Variants in LDLRAD3 observed in about 807,000 individuals in gnomAD.
LDLRAD3 encodes the protein low density lipoprotein receptor class A domain containing 3.
In LDLRAD3, 20 loss-of-function variants were observed where a neutral mutation model predicts 29.4. That is an observed-to-expected ratio of 0.68 (90% CI 0.48 to 0.99). The LOEUF (loss-of-function observed/expected upper bound fraction) is 0.99, where lower values mean the gene tolerates loss of function less well. Ranked by LOEUF, LDLRAD3 falls within the 50% of genes least tolerant of loss-of-function variation. The probability of loss-of-function intolerance (pLI) is 0.00; values close to 1 mark genes in which losing one functional copy is unlikely to be tolerated. For missense variants in LDLRAD3, 420 were observed against 454.3 expected (o/e 0.92, Z 0.69); for synonymous variants, 157 against 192.7 (o/e 0.81, Z 1.53).
At chr11:36,083,413 G>A (rs1449795738) in intron 3 of LDLRAD3, among the ~76,000 whole-genome samples, 1 of 152,060 alleles carries the variant, frequency 6.6e-6, no homozygotes, top group African/African-American at 2.4e-5. Flanking sequence ...AAAGAAGAAA[G>A]CAAAACTGCC....
At chr11:36,069,799 C>T (rs984797031) in intron 2 of LDLRAD3, among the ~76,000 whole-genome samples, 4 of 152,186 alleles carry the variant, frequency 2.6e-5, no homozygotes, top group Non-Finnish European at 4.4e-5. Flanking sequence ...TCCACAAACA[C>T]TAAAATTTCA....
chr11:36,064,914 A>G (rs1184899471), intron 2 of LDLRAD3, among the ~76,000 whole-genome samples: 1 of 151,958 alleles, frequency 6.6e-6, no homozygotes, highest in East Asian at 1.9e-4. Flanking sequence ...TTTTAACTGT[A>G]TTGAGGTTTG....
rs60376519 is a variant in LDLRAD3 at position 36,108,319 on chromosome 11, C to CAAA, written c.454+9885_454+9887dup. On this transcript the variant is annotated intron_variant, in intron 4 of 5. Transcript: ENST00000315571. ...TGGGTGACAGAGCGAGACTCCATCT[C>CAAA]AAAAAAAAAAAAAAAAAAAAAAAAA... Among the ~76,000 whole-genome samples, 24 of 48,982 alleles carry CAAA rather than the reference C, an allele frequency of 4.9e-4. 1 individual carries two copies. The highest frequency in any genetic ancestry group is 8.1e-4 in the African/African-American group (10 of 12,336). 32.1% of individuals were successfully genotyped at this position (48,982 alleles called of 152,430 possible).
intron 1 of LDLRAD3, among the ~76,000 whole-genome samples, chr11:35,984,379 G>A (rs1352816057): frequency 6.6e-6 from 1 of 152,190 alleles, no homozygotes; most frequent in Non-Finnish European, 1.5e-5. Flanking sequence ...GGGTCTCAGA[G>A]AGGTCAACTG....
chr11:36,013,273 G>A (rs190510237), intron 1 of LDLRAD3, among the ~76,000 whole-genome samples: 3 of 152,272 alleles, frequency 2.0e-5, no homozygotes, highest in African/African-American at 7.2e-5. Context: ...GGACTTTGAA[G>A]GAATGATGTC....
At chr11:36,227,459 G>A (rs369022315) in intron 5 of LDLRAD3, 29 bp downstream of exon 5, 32 of 1,478,164 alleles carry the variant, frequency 2.2e-5, no homozygotes, top group East Asian at 4.6e-5. Context: ...AGATTGAGGC[G>A]GGAGAGGTCA....
At chr11:36,175,479 G>A (rs936867701) in intron 4 of LDLRAD3, among the ~76,000 whole-genome samples, 7 of 152,016 alleles carry the variant, frequency 4.6e-5, no homozygotes, top group African/African-American at 4.8e-5. Flanking sequence ...CACTGCTTTC[G>A]TTGTATCCCA....
At chr11:35,945,076 A>T (rs1293117689) in intron 1 of LDLRAD3, among the ~76,000 whole-genome samples, 2 of 152,124 alleles carry the variant, frequency 1.3e-5, no homozygotes, top group African/African-American at 4.8e-5. Flanking sequence ...CTTGACGTTT[A>T]TTTCTGGGCA....
At chr11:35,996,476 G>A (rs578204551) in intron 1 of LDLRAD3, among the ~76,000 whole-genome samples, 3 of 152,174 alleles carry the variant, frequency 2.0e-5, no homozygotes, top group African/African-American at 7.2e-5. Context: ...AAAAGTTTGA[G>A]ATATTATGAG....
At chr11:36,001,976 G>A (rs1199464534) in intron 1 of LDLRAD3, among the ~76,000 whole-genome samples, 5 of 152,090 alleles carry the variant, frequency 3.3e-5, no homozygotes, top group Non-Finnish European at 7.4e-5. Flanking sequence ...AGGCTTTTAG[G>A]TTACTTGAGA....
intron 1 of LDLRAD3, among the ~76,000 whole-genome samples, chr11:35,947,859 T>C (rs1324792787): frequency 6.6e-6 from 1 of 152,228 alleles, no homozygotes; most frequent in Non-Finnish European, 1.5e-5. Flanking sequence ...ACAGTGAGAT[T>C]GTTTACATGA....
intron 4 of LDLRAD3, among the ~76,000 whole-genome samples, chr11:36,104,204 T>A (rs1853492974): frequency 6.6e-6 from 1 of 152,106 alleles, no homozygotes; most frequent in Non-Finnish European, 1.5e-5. Flanking sequence ...GAAGGAGGGC[T>A]CCAACCTAAG....
chr11:36,076,213 TGTCCATCC>T (rs200235966), intron 2 of LDLRAD3, among the ~76,000 whole-genome samples: 3,267 of 127,030 alleles, frequency 0.026, 69 homozygotes, highest in East Asian at 0.097. Flanking sequence ...TTTGTCTGTC[TGTCCATCC>T]GTCCATCCAT....
intron 4 of LDLRAD3, among the ~76,000 whole-genome samples, chr11:36,199,585 A>ACGCACGCACGCACG (rs1554973189): frequency 6.7e-6 from 1 of 150,354 alleles, no homozygotes; most frequent in African/African-American, 2.5e-5. Context: ...ACACACACAC[A>ACGCACGCACGCACG]CACGCACGCA....
At chr11:36,229,026 T>C in intron 5 of LDLRAD3, 134 bp from the exon 6 acceptor site, 1 of 706,224 alleles carries the variant, frequency 1.4e-6, no homozygotes, top group Non-Finnish European at 2.6e-6. Flanking sequence ...GTCTTTGTAC[T>C]TGGAGGGAAA....
rs1855305431 is a variant in LDLRAD3, at chr11:36,213,069, C to A, written c.455-14016C>A. On this transcript the variant is annotated intron_variant, in intron 4 of 5. Transcript: ENST00000315571. This position sits in a 1 kb window ranked among gnomAD's most constrained non-coding sequence, Gnocchi z 4.1. Reference sequence around the variant, plus strand: ...CCCCCACCCCTCTCTTTCTCTCCCCCTCGCTCCCTCCCTCTCTCCCTCCCT... The same window carrying A: ...CCCCCACCCCTCTCTTTCTCTCCCCATCGCTCCCTCCCTCTCTCCCTCCCT... Among the ~76,000 whole-genome samples, 1 of 151,170 alleles carries A rather than the reference C, an allele frequency of 6.6e-6. No homozygotes were observed. Among genetic ancestry groups the A allele is most frequent in the Admixed American group, 6.6e-5 (1 of 15,158 alleles).
intron 1 of LDLRAD3, among the ~76,000 whole-genome samples, chr11:35,988,098 C>T (rs566548105): frequency 6.6e-6 from 1 of 152,316 alleles, no homozygotes; most frequent in East Asian, 1.9e-4. Flanking sequence ...CACTCTGTCA[C>T]CCAGGCTGGA....
chr11:36,156,355 A>T (rs535905038), intron 4 of LDLRAD3, among the ~76,000 whole-genome samples: 1 of 152,364 alleles, frequency 6.6e-6, no homozygotes, highest in East Asian at 1.9e-4. Flanking sequence ...GTTTGTTCGT[A>T]TAGCCAGCTC....
chr11:36,229,103 G>A (rs1590372962), intron 5 of LDLRAD3, 57 bp from the exon 6 acceptor site: 2 of 1,222,700 alleles, frequency 1.6e-6, no homozygotes, highest in East Asian at 2.3e-5. Context: ...TGGCCCTAAT[G>A]TGTTCTCTTC....
Sources: allele counts gnomAD v4.1 joint callset (sites outside exome capture counted in the v4.1 genomes callset), GRCh38; gene constraint gnomAD v4.1.1; non-coding constraint Gnocchi (gnomAD v3.1); transcripts MANE v1.5; gene names NCBI Gene and HGNC (gene_info 2026-07-23, HGNC 2026-07-21).